RUNX1: variants seen among roughly 807,000 people sequenced by gnomAD.
RUNX1 encodes RUNX family transcription factor 1.
RUNX1 carries 19 observed loss-of-function variants against 42.8 expected under a neutral mutation model. The observed-to-expected ratio is 0.44, with a 90% CI of 0.31 to 0.65. RUNX1 has a LOEUF of 0.65. Among genes scored for constraint, RUNX1 ranks in the 30% least tolerant of loss-of-function variants. The pLI is 0.07. For synonymous variants in RUNX1, 271 were observed against 289.4 expected, an observed-to-expected ratio of 0.94 and a Z score of 0.64; for missense variants, 528 against 672.0, an observed-to-expected ratio of 0.79 and a Z score of 2.37.
At chr21:34,886,728 C>G in intron 4 of RUNX1, 115 bp downstream of exon 4, 1 of 1,524,530 alleles carries the variant, frequency 6.6e-7, no homozygotes. Context: ...CGACCCGGGG[C>G]TGCGGGGGCC....
intron 2 of RUNX1, among the ~76,000 whole-genome samples, chr21:35,000,841 C>A (rs2059036713): frequency 6.6e-6 from 1 of 152,240 alleles, no homozygotes; most frequent in African/African-American, 2.4e-5. Flanking sequence ...GACAGCCCTG[C>A]ACACGCAGGG....
intron 2 of RUNX1, among the ~76,000 whole-genome samples, chr21:35,006,223 T>C (rs1032730026): frequency 2.0e-5 from 3 of 152,176 alleles, no homozygotes; most frequent in Non-Finnish European, 4.4e-5. Context: ...GTGAAGGAGA[T>C]GGAGGCACCC....
chr21:34,828,329 C>T (rs1197466748), intron 7 of RUNX1, among the ~76,000 whole-genome samples: 2 of 152,172 alleles, frequency 1.3e-5, no homozygotes, highest in Admixed American at 6.5e-5. Flanking sequence ...GGAATTTCTA[C>T]CTTGTGTCTG....
At chr21:34,935,419 G>A (rs1323832360) in intron 2 of RUNX1, among the ~76,000 whole-genome samples, 3 of 152,024 alleles carry the variant, frequency 2.0e-5, no homozygotes, top group African/African-American at 7.3e-5. Flanking sequence ...AAACACATAC[G>A]GTATATGGAA....
rs1396852943 is a variant in RUNX1 at position 35,009,009 on chromosome 21, G to A, written c.58+39833C>T. Among the ~76,000 whole-genome samples the A allele has an allele frequency of 6.6e-5, 10 of 152,174 alleles. No homozygotes were observed. In the South Asian group the frequency reaches 1.0e-3, roughly 16 times the overall value. Reference sequence around the variant, plus strand: ...ATGCTTGGCTTTAGGAGAGCAGGTCGTGTGTGTGTTGAATTACAGGCAATT... The same window carrying A: ...ATGCTTGGCTTTAGGAGAGCAGGTCATGTGTGTGTTGAATTACAGGCAATT... On this transcript the variant is annotated intron_variant, in intron 2 of 8. Coordinates refer to ENST00000675419, the MANE Select transcript of RUNX1 (RefSeq NM_001754.5).
chr21:35,010,449 G>T (rs1267100863), intron 2 of RUNX1, among the ~76,000 whole-genome samples: 1 of 152,132 alleles, frequency 6.6e-6, no homozygotes, highest in African/African-American at 2.4e-5. Flanking sequence ...TTCACATTAA[G>T]ACATGTCCTT....
chr21:34,930,270 G>GTGTGTGTGTGTATATATATATATA (rs372412304), intron 2 of RUNX1, among the ~76,000 whole-genome samples: 1 of 123,034 alleles, frequency 8.1e-6, no homozygotes, highest in African/African-American at 3.8e-5. Flanking sequence ...GTGTGTGTAT[G>GTGTGTGTGTGTATATATATATATA]TATATATATA....
In RUNX1 at chr21:34,919,944, T is replaced by C. The variant is rs1044226463; in HGVS notation, c.59-26981A>G. Reference sequence around the variant, plus strand: ...CTTCCTCACGGTAATTGAGCAGATGTTCTTGCCAGGCTCTGCGTTAGGTAC... The same window carrying C: ...CTTCCTCACGGTAATTGAGCAGATGCTCTTGCCAGGCTCTGCGTTAGGTAC... On this transcript the variant is annotated intron_variant, in intron 2 of 8. Coordinates refer to ENST00000675419, the MANE Select transcript of RUNX1 (RefSeq NM_001754.5). Among the ~76,000 whole-genome samples, 8 of 152,208 alleles carry C rather than the reference T, an allele frequency of 5.3e-5. No homozygotes were observed. The South Asian group carries it at 1.0e-3, about 20-fold the overall frequency.
At chr21:35,038,830 C>G (rs61750966) in intron 2 of RUNX1, 2 of 443,234 alleles carry the variant, frequency 4.5e-6, no homozygotes, top group Non-Finnish European at 4.6e-6. Context: ...CAGCCTTGGC[C>G]GAGGCCATCT....
chr21:34,927,641 A>G (rs895962248), intron 2 of RUNX1, among the ~76,000 whole-genome samples: 1 of 152,184 alleles, frequency 6.6e-6, no homozygotes, highest in African/African-American at 2.4e-5. Context: ...TTTACTTTGG[A>G]CATGGATGGA....
intron 6 of RUNX1, among the ~76,000 whole-genome samples, chr21:34,849,317 T>TATA (rs2057367414): frequency 2.6e-5 from 1 of 38,262 alleles, no homozygotes; most frequent in African/African-American, 9.4e-5. Context: ...ATATATTATA[T>TATA]ATATATTATA....
chr21:34,960,446 A>G (rs2058674288), intron 2 of RUNX1, among the ~76,000 whole-genome samples: 1 of 152,224 alleles, frequency 6.6e-6, no homozygotes, highest in East Asian at 1.9e-4. Flanking sequence ...TGGATGGAAG[A>G]AGCTTGGGTC....
intron 2 of RUNX1, among the ~76,000 whole-genome samples, chr21:35,037,783 T>C (rs751346070): frequency 6.6e-6 from 1 of 152,250 alleles, no homozygotes; most frequent in South Asian, 2.1e-4. Context: ...CTTGGAACGG[T>C]GCAAGTGCCT....
intron 2 of RUNX1, among the ~76,000 whole-genome samples, chr21:35,034,570 C>G (rs1015768770): frequency 4.6e-5 from 7 of 152,210 alleles, no homozygotes; most frequent in African/African-American, 1.7e-4. Context: ...CAGGGGTCAT[C>G]TGGCAATGTC....
rs780399121 is a variant in RUNX1 at position 34,799,385 on chromosome 21, A to G, written c.883T>C (p.Ser295Pro). Residue 295 changes from serine to proline, a missense_variant, in exon 8 of 9, where the codon TCT (serine) becomes CCT (proline). Ser to Pro is a moderately conservative substitution (Grantham distance 74). Coordinates refer to ENST00000675419, the MANE Select transcript of RUNX1 (RefSeq NM_001754.5). Reference sequence around the variant, plus strand: ...GAAATGGGCGTTGCTGGGTGCACAGAAGGAGAGGCAATGGATCCCAGGTAT... The same window carrying G: ...GAAATGGGCGTTGCTGGGTGCACAGGAGGAGAGGCAATGGATCCCAGGTAT... ...YQYLGSIASP[S>P]VHPATPISPG... is the part of the protein sequence containing the mutation. 1.9e-6 allele frequency: 3 copies of G among 1,614,176 alleles called. No individual in the cohort carries two copies. Among genetic ancestry groups the G allele is most frequent in the Non-Finnish European group, 2.5e-6 (3 of 1,180,006 alleles).
At chr21:34,906,721 G>T (rs567339242) in intron 2 of RUNX1, among the ~76,000 whole-genome samples, 3 of 152,172 alleles carry the variant, frequency 2.0e-5, no homozygotes. Flanking sequence ...CTTTCCCAAA[G>T]GACTCCTTTT....
intron 6 of RUNX1, chr21:34,856,430 G>A (rs763823959): frequency 4.8e-5 from 25 of 518,832 alleles, no homozygotes; most frequent in African/African-American, 2.7e-4. Context: ...TGAGGATACC[G>A]AGGCCAGGTC....
At chr21:34,968,192 C>T (rs577936505) in intron 2 of RUNX1, among the ~76,000 whole-genome samples, 25 of 152,246 alleles carry the variant, frequency 1.6e-4, no homozygotes, top group African/African-American at 2.6e-4. Flanking sequence ...CTCAGCTCTC[C>T]GCAGGACTCT....
chr21:34,866,751 G>A (rs1476063950), intron 5 of RUNX1, among the ~76,000 whole-genome samples: 3 of 152,188 alleles, frequency 2.0e-5, no homozygotes, highest in Non-Finnish European at 2.9e-5. Context: ...TTAAGATGTC[G>A]GCGTACTGTA....
Sources: allele counts gnomAD v4.1 joint callset (sites outside exome capture counted in the v4.1 genomes callset), GRCh38; gene constraint gnomAD v4.1.1; transcripts MANE v1.5; gene names NCBI Gene and HGNC (gene_info 2026-07-23, HGNC 2026-07-21).